The following ANKRD26 variants were observed in gnomAD, a reference collection of about 807,000 sequenced individuals.
ANKRD26 encodes ankyrin repeat domain-containing protein 26.
A neutral mutation model predicts 208.7 loss-of-function variants in ANKRD26; 141 were observed. The observed-to-expected ratio is 0.68, with a 90% CI of 0.59 to 0.78. The LOEUF is 0.78. ANKRD26 is among the 30% of genes least tolerant of loss of function. ANKRD26 has a pLI of 0.00. For missense variants in ANKRD26, 1,889 were observed against 1,938.7 expected, an observed-to-expected ratio of 0.97 and a Z score of 0.48; for synonymous variants, 636 against 660.4, an observed-to-expected ratio of 0.96 and a Z score of 0.57.
chr10:26,956,825 T>C, the ANKRD26 span, among the ~76,000 whole-genome samples: 108 of 152,152 alleles, frequency 7.1e-4, 1 homozygote, highest in Non-Finnish European at 6.0e-4. Context: ...ATAGAATTAT[T>C]TGATGGAAAT....
the ANKRD26 span, among the ~76,000 whole-genome samples, chr10:26,968,690 G>A: frequency 1.3e-5 from 2 of 152,180 alleles, no homozygotes; most frequent in Non-Finnish European, 2.9e-5. Context: ...ACTTTGATGA[G>A]TTTCTTGGTA....
At position 27,014,478 on chromosome 10, in the gene ANKRD26, C is replaced by G. The variant is rs1356716942; in HGVS notation, c.4724+16G>C. The G allele has an allele frequency of 1.3e-6, 2 of 1,507,134 alleles. No individual in the cohort carries two copies. Among genetic ancestry groups the G allele is most frequent in the East Asian group, 4.5e-5 (2 of 44,118 alleles). The allele number at this position is 1,507,134 out of a possible 1,614,324, so 93.4% of individuals were successfully genotyped here. On this transcript the variant is annotated intron_variant, in intron 31 of 33. Coordinates refer to ENST00000376087, the MANE Select transcript of ANKRD26 (RefSeq NM_014915.3). ...TGAGCTTAATTTATTTCCTATGATT[C>G]TATATTTTGACTTACTTGGTTAGTT...
rs1296127015 is a variant in ANKRD26, at chr10:27,086,475, CCTTA to C, written c.709+60_709+63del. The C allele has an allele frequency of 3.2e-6, 5 of 1,582,312 alleles. No individual in the cohort carries two copies. The East Asian group carries it at 1.1e-4, about 36-fold the overall frequency. On this transcript the variant is annotated intron_variant, in intron 5 of 33. Transcript: ENST00000376087. Reference sequence around the variant, plus strand: ...AACTGCTTTTCTGTGATCAACACTTCCTTACTTTTACTTTTTTATCCATGGTACT... The same window carrying C: ...AACTGCTTTTCTGTGATCAACACTTCCTTTTACTTTTTTATCCATGGTACT...
the ANKRD26 span, among the ~76,000 whole-genome samples, chr10:26,951,947 AC>A: frequency 6.6e-6 from 1 of 151,864 alleles, no homozygotes; most frequent in African/African-American, 2.4e-5. Context: ...CAGAGTTTAT[AC>A]CCCCTTCTTT....
chr10:27,089,485 C>T (rs2056226051), intron 4 of ANKRD26, among the ~76,000 whole-genome samples: 1 of 152,154 alleles, frequency 6.6e-6, no homozygotes, highest in Admixed American at 6.5e-5. Flanking sequence ...TCGTAAAAGT[C>T]CTGAGATAAA....
the ANKRD26 span, among the ~76,000 whole-genome samples, chr10:26,950,883 T>C: frequency 6.6e-6 from 1 of 152,168 alleles, no homozygotes; most frequent in Non-Finnish European, 1.5e-5. Flanking sequence ...AATTGATTTA[T>C]TTGTCAAAAA....
At chr10:27,038,195 A>G in intron 21 of ANKRD26, 141 bp from the exon 22 acceptor site, 1 of 727,378 alleles carries the variant, frequency 1.4e-6, no homozygotes, top group South Asian at 1.9e-5. Flanking sequence ...TAGTTCTCTG[A>G]TTTTTAATTT....
intron 18 of ANKRD26, among the ~76,000 whole-genome samples, chr10:27,044,893 A>G (rs1194535045): frequency 6.6e-6 from 1 of 152,224 alleles, no homozygotes; most frequent in African/African-American, 2.4e-5. Flanking sequence ...TGTGAAAGTA[A>G]TATTTATTTT....
chr10:26,992,371 T>C (rs769506095), intron 5 of ANKRD26, among the ~76,000 whole-genome samples: 7 of 151,900 alleles, frequency 4.6e-5, no homozygotes, highest in Non-Finnish European at 8.8e-5. Context: ...GTCGCCAGGA[T>C]GTTCAGGTCC....
Position 27,100,317 on chromosome 10 carries a change from T to A in ANKRD26, c.10A>T (p.Ile4Phe), listed in dbSNP as rs1439488338. The A allele has an allele frequency of 6.2e-7, 1 of 1,608,136 alleles. No individual in the cohort carries two copies. The highest frequency in any genetic ancestry group is 2.2e-5 in the East Asian group (1 of 44,866). MKKIFSKKGESPLG... is the reference protein window; with the variant it reads MKKFFSKKGESPLG... ...GGCGACTCGCCCTTCTTACTAAAAA[T>A]CTTCTTCATGGCCCAGGCGACCGGG... Residue 4 changes from isoleucine to phenylalanine, a missense_variant, in exon 1 of 34, where the codon ATT becomes TTT. Transcript: ENST00000376087.
At chr10:26,958,492 G>GC in the ANKRD26 span, among the ~76,000 whole-genome samples, 1 of 151,956 alleles carries the variant, frequency 6.6e-6, no homozygotes, top group Admixed American at 6.6e-5. Context: ...CCCCCAGTGT[G>GC]CCCATGTGTT....
chr10:27,062,778 T>G (rs569958029), intron 12 of ANKRD26, among the ~76,000 whole-genome samples: 14 of 151,938 alleles, frequency 9.2e-5, no homozygotes, highest in African/African-American at 3.4e-4. Context: ...TTCTTTTTTT[T>G]TTTTTTTGAG....
At chr10:26,998,260 TG>T (rs1202980720) in intron 4 of ANKRD26, among the ~76,000 whole-genome samples, 1 of 152,234 alleles carries the variant, frequency 6.6e-6, no homozygotes, top group Non-Finnish European at 1.5e-5. Flanking sequence ...TATTAAAACA[TG>T]TAAAATGATC....
rs1477862930 is a variant in ANKRD26 at position 27,076,902 on chromosome 10, TA to T, written c.1077+435del. 3 of 168,206 alleles carry T rather than the reference TA, an allele frequency of 1.8e-5. No individual in the cohort carries two copies. The South Asian group carries it at 4.7e-4, about 27-fold the overall frequency. The allele number at this position is 168,206 out of a possible 1,614,324, so 10.4% of individuals were successfully genotyped here. ...ACCCAGGGCCACACGGATTCACAGCTAAATTCTACCAGACATTCAAAAAAGA... is the reference window on the plus strand; with the variant it reads ...ACCCAGGGCCACACGGATTCACAGCTAATTCTACCAGACATTCAAAAAAGA... On this transcript the variant is annotated intron_variant, in intron 9 of 33. Transcript: ENST00000376087.
intron 29 of ANKRD26, among the ~76,000 whole-genome samples, chr10:27,021,873 G>T (rs145033918): frequency 4.7e-4 from 71 of 152,180 alleles, no homozygotes; most frequent in Middle Eastern, 3.4e-3. Context: ...CATCTCCTTT[G>T]CCCACTTTTT....
rs776428573 is a variant in ANKRD26, at chr10:27,100,155, T to C, written c.172A>G (p.Asn58Asp). ...GKIHKAASAG[N>D]VAKVQQILLL... Reference sequence around the variant, plus strand: ...AGGATCTGCTGCACTTTCGCCACATTACCCGCGCTGGCAGCTTTGTGGATC... The same window carrying C: ...AGGATCTGCTGCACTTTCGCCACATCACCCGCGCTGGCAGCTTTGTGGATC... The change falls in exon 1 of 34, where the codon AAT (asparagine) becomes GAT (aspartate). Residue 58 changes from asparagine to aspartate, a missense_variant. By Grantham distance (23) the Asn-to-Asp change is conservative (BLOSUM62 1). Around this residue, in one of 3 missense-constraint regions of ANKRD26, gnomAD observed 1,272 missense variants for 1,273.8 expected, o/e 1.00. Coordinates refer to ENST00000376087, the MANE Select transcript of ANKRD26 (RefSeq NM_014915.3). The C allele has an allele frequency of 1.9e-6, 3 of 1,614,022 alleles. No homozygotes were observed. In the African/African-American group the frequency reaches 4.0e-5, roughly 22 times the overall value.
chr10:27,024,920 A>G (rs987054694), intron 27 of ANKRD26, among the ~76,000 whole-genome samples: 2 of 152,178 alleles, frequency 1.3e-5, no homozygotes, highest in African/African-American at 4.8e-5. Flanking sequence ...GTTAAATCAA[A>G]TCTTACTAAG....
chr10:26,985,956 A>G (rs1040187570), intron 3 of ANKRD26, among the ~76,000 whole-genome samples: 9 of 152,230 alleles, frequency 5.9e-5, no homozygotes, highest in Admixed American at 1.3e-4. Flanking sequence ...ACCAAAAAAG[A>G]GCCCTCATTG....
the ANKRD26 span, among the ~76,000 whole-genome samples, chr10:26,963,902 GGTTTTTTTTTTT>G: frequency 1.5e-5 from 1 of 66,974 alleles, no homozygotes; most frequent in Non-Finnish European, 3.0e-5. Flanking sequence ...ATGGTTGGTT[GGTTTTTTTTTTT>G]TTTTTTTTTT....
Sources: allele counts gnomAD v4.1 joint callset (sites outside exome capture counted in the v4.1 genomes callset), GRCh38; gene constraint gnomAD v4.1.1; regional missense constraint gnomAD v4.1.1; transcripts MANE v1.5; gene names NCBI Gene and HGNC (gene_info 2026-07-23, HGNC 2026-07-21).